The following ZMIZ1 variants were observed in gnomAD, a reference collection of about 807,000 sequenced individuals.
ZMIZ1 encodes zinc finger MIZ domain-containing protein 1.
ZMIZ1 carries 17 observed loss-of-function variants against 113.9 expected under a neutral mutation model. The observed-to-expected ratio is 0.15, with a 90% CI of 0.10 to 0.22. ZMIZ1 has a LOEUF of 0.22. Ranked by LOEUF, ZMIZ1 falls within the 10% of genes least tolerant of loss-of-function variation. ZMIZ1 has a pLI of 1.00. For synonymous variants in ZMIZ1, 607 were observed against 603.1 expected, an observed-to-expected ratio of 1.01 and a Z score of -0.09; for missense variants, 1,059 against 1,477.8, an observed-to-expected ratio of 0.72 and a Z score of 4.65.
At chr10:79,070,917 G>A (rs1164780246) in intron 1 of ZMIZ1, among the ~76,000 whole-genome samples, 4 of 145,084 alleles carry the variant, frequency 2.8e-5, no homozygotes, top group Non-Finnish European at 6.0e-5. Context: ...CTTTTCCAAT[G>A]CCCTGACATG....
chr10:79,106,735 G>C (rs1001907211), intron 1 of ZMIZ1, among the ~76,000 whole-genome samples: 2 of 152,252 alleles, frequency 1.3e-5, no homozygotes, highest in Non-Finnish European at 2.9e-5. Flanking sequence ...TGGATATGGG[G>C]TAGGTACCCA....
At chr10:79,164,511 C>T (rs1846241707) in intron 4 of ZMIZ1, among the ~76,000 whole-genome samples, 1 of 152,074 alleles carries the variant, frequency 6.6e-6, no homozygotes, top group South Asian at 2.1e-4. Flanking sequence ...GTGACTGTAG[C>T]TCTGTTATAA....
chr10:79,264,373 A>G (rs1483111143), intron 7 of ZMIZ1, among the ~76,000 whole-genome samples: 2 of 152,096 alleles, frequency 1.3e-5, no homozygotes, highest in African/African-American at 2.4e-5. Context: ...GCCTCAATCT[A>G]TTGCTGGGGG....
intron 7 of ZMIZ1, among the ~76,000 whole-genome samples, chr10:79,219,626 AT>A (rs1283012495): frequency 1.3e-5 from 2 of 151,986 alleles, no homozygotes; most frequent in South Asian, 4.2e-4. Context: ...TGAAACAGGG[AT>A]TTGTTCTTTC....
chr10:79,109,031 G>A (rs1843648362), intron 1 of ZMIZ1, among the ~76,000 whole-genome samples: 2 of 152,188 alleles, frequency 1.3e-5, no homozygotes, highest in African/African-American at 4.8e-5. Context: ...ACGCAGGTGT[G>A]TGCTGCTTTG....
At chr10:79,104,477 CATCTGCAAAATGG>C (rs1843483580) in intron 1 of ZMIZ1, among the ~76,000 whole-genome samples, 1 of 152,178 alleles carries the variant, frequency 6.6e-6, no homozygotes, top group East Asian at 1.9e-4. Context: ...TCAGTTTTGT[CATCTGCAAAATGG>C]GTACAATAGA....
intron 3 of ZMIZ1, among the ~76,000 whole-genome samples, chr10:79,158,921 C>CG (rs1319071166): frequency 6.6e-6 from 1 of 152,234 alleles, no homozygotes; most frequent in Admixed American, 6.5e-5. Flanking sequence ...TCCCCTCCCC[C>CG]GGGAGCTTCA....
chr10:79,152,237 A>T (rs1418619167), intron 3 of ZMIZ1, among the ~76,000 whole-genome samples: 3 of 152,204 alleles, frequency 2.0e-5, no homozygotes, highest in Non-Finnish European at 4.4e-5. Flanking sequence ...AGTGGCTCAC[A>T]CCTGTAATCC....
chr10:79,101,977 G>A (rs1043103901), intron 1 of ZMIZ1, among the ~76,000 whole-genome samples: 3 of 152,262 alleles, frequency 2.0e-5, no homozygotes, highest in South Asian at 2.1e-4. Flanking sequence ...TGGGACCTCC[G>A]ACCAGCTCCC....
At position 79,296,631 on chromosome 10, in the gene ZMIZ1, T is replaced by G. The variant is rs1238332069; in HGVS notation, c.1391T>G (p.Val464Gly). 1.3e-6 allele frequency: 2 copies of G among 1,580,856 alleles called. No homozygotes were observed. The highest frequency in any genetic ancestry group is 1.7e-6 in the Non-Finnish European group (2 of 1,162,982). The change falls in exon 13 of 25, where the codon GTC (valine) becomes GGC (glycine). Residue 464 changes from valine (V) to glycine (G), a missense_variant. Physicochemically the swap from Val to Gly is moderately radical, Grantham distance 109. Transcript: ENST00000334512. The surrounding 1 kb of genome is among the most constrained non-coding windows in gnomAD (Gnocchi z 4.1). ...TCCGGGCAGTACCCGCCCCCCACGG[T>G]CAACATGGGGCAGTATTACAAGGTG... Reference protein sequence around the residue: ...PSSGQYPPPTVNMGQYYKPEQ... With the variant: ...PSSGQYPPPTGNMGQYYKPEQ...
intron 7 of ZMIZ1, among the ~76,000 whole-genome samples, chr10:79,227,282 A>G (rs1347448991): frequency 6.6e-6 from 1 of 151,932 alleles, no homozygotes; most frequent in African/African-American, 2.4e-5. Context: ...TAGGTTAAAC[A>G]CCCTCCCATC....
Position 79,118,032 on chromosome 10 carries a change from G to A in ZMIZ1, c.-336-883G>A, listed in dbSNP as rs1348699623. Among the ~76,000 whole-genome samples the A allele has an allele frequency of 1.3e-5, 2 of 152,208 alleles. No homozygotes were observed. Among genetic ancestry groups the A allele is most frequent in the East Asian group, 3.8e-4 (2 of 5,202 alleles). Reference sequence around the variant, plus strand: ...GGTCTGCAGATGCAGGAACTGGGGGGAGACAGCCACACAGCCTCCATCCCT... The same window carrying A: ...GGTCTGCAGATGCAGGAACTGGGGGAAGACAGCCACACAGCCTCCATCCCT... On this transcript the variant is annotated intron_variant, in intron 1 of 24. Transcript: ENST00000334512. The surrounding 1 kb of genome is among the most constrained non-coding windows in gnomAD (Gnocchi z 4.1).
chr10:79,288,502 TTC>T (rs1010577476), intron 8 of ZMIZ1, among the ~76,000 whole-genome samples: 4 of 151,650 alleles, frequency 2.6e-5, no homozygotes. Context: ...TTCTCCCAAT[TTC>T]CCTCCCCCAA....
chr10:79,284,297 G>T (rs886994028), intron 8 of ZMIZ1, among the ~76,000 whole-genome samples: 2 of 152,232 alleles, frequency 1.3e-5, no homozygotes, highest in Admixed American at 1.3e-4. Flanking sequence ...GGGAACAGAG[G>T]AAAGTGTCCT....
chr10:79,273,732 T>A (rs1852086706), intron 7 of ZMIZ1, among the ~76,000 whole-genome samples: 1 of 152,258 alleles, frequency 6.6e-6, no homozygotes. Context: ...CCAAAAAGTT[T>A]GCAGGGTGGA....
intron 3 of ZMIZ1, among the ~76,000 whole-genome samples, chr10:79,157,847 A>G (rs2132477708): frequency 6.6e-6 from 1 of 152,270 alleles, no homozygotes; most frequent in Admixed American, 6.5e-5. Flanking sequence ...GGGGTCATGT[A>G]AGGGGATGTG....
intron 1 of ZMIZ1, among the ~76,000 whole-genome samples, chr10:79,091,741 A>C (rs1473271510): frequency 6.6e-6 from 1 of 152,190 alleles, no homozygotes; most frequent in Non-Finnish European, 1.5e-5. Flanking sequence ...CAGCTCAGCC[A>C]GCACCCATGG....
chr10:79,227,070 G>A (rs557117390), intron 7 of ZMIZ1, among the ~76,000 whole-genome samples: 34 of 152,190 alleles, frequency 2.2e-4, no homozygotes, highest in African/African-American at 7.9e-4. Context: ...ATTTGACCAG[G>A]GCTTTCTGGC....
intron 3 of ZMIZ1, among the ~76,000 whole-genome samples, chr10:79,158,771 T>C (rs1174214851): frequency 6.6e-6 from 1 of 152,290 alleles, no homozygotes; most frequent in East Asian, 1.9e-4. Context: ...GGGGAACCCC[T>C]CTTAGTCCCA....
Sources: allele counts gnomAD v4.1 joint callset (sites outside exome capture counted in the v4.1 genomes callset), GRCh38; gene constraint gnomAD v4.1.1; non-coding constraint Gnocchi (gnomAD v3.1); transcripts MANE v1.5; gene names NCBI Gene and HGNC (gene_info 2026-07-23, HGNC 2026-07-21).